CFLAR: variants seen among roughly 807,000 people sequenced by gnomAD.
CFLAR encodes CASP8 and FADD-like apoptosis regulator.
In CFLAR, 14 loss-of-function variants were observed where a neutral mutation model predicts 51.1. The ratio of observed to expected loss-of-function variants is 0.27; its 90% CI spans 0.18 to 0.43. The LOEUF is 0.43. Among genes scored for constraint, CFLAR ranks in the 20% least tolerant of loss-of-function variants. The probability of loss-of-function intolerance (pLI) is 1.00; values close to 1 mark genes in which losing one functional copy is unlikely to be tolerated. For synonymous variants in CFLAR, 210 were observed against 211.6 expected (o/e 0.99, Z 0.06); for missense variants, 390 against 566.5 (o/e 0.69, Z 3.16).
rs747344871 is a variant in CFLAR, at chr2:201,140,386, G to A, written c.553G>A (p.Val185Ile). The change falls in exon 5 of 10, where the codon GTT becomes ATT. Residue 185 changes from valine to isoleucine, a missense_variant. Physicochemically the swap from Val to Ile is conservative, Grantham distance 29 (BLOSUM62 3). Coordinates refer to ENST00000309955, the MANE Select transcript of CFLAR (RefSeq NM_003879.7). The stretch of plus-strand genomic sequence containing the variant: ...AGGAGCAGGGACAAGTTACAGGAAT[G>A]TTCTCCAAGCAGCAATCCAAAAGAG... ...VQGAGTSYRN[V>I]LQAAIQKSLK... 37 of 1,611,196 alleles carry A rather than the reference G, an allele frequency of 2.3e-5. No individual in the cohort carries two copies. The highest frequency in any genetic ancestry group is 3.1e-5 in the Non-Finnish European group (36 of 1,179,332).
In CFLAR at chr2:201,174,555, T is replaced by G. The variant is rs1444860248; in HGVS notation, c.*10582T>G. ...CTTTGTTGTTGTTGTTGTTCTTCTT[T>G]TTTCTTTTGTAGAGATGAGGCCTTG... On this transcript the variant is annotated 3_prime_UTR_variant, in exon 10 of 10. Coordinates refer to ENST00000309955, the MANE Select transcript of CFLAR (RefSeq NM_003879.7). 6.6e-6 allele frequency: 1 copy of G among 152,122 alleles called. No homozygotes were observed. Among genetic ancestry groups the G allele is most frequent in the Non-Finnish European group, 1.5e-5 (1 of 68,044 alleles). 9.4% of individuals were successfully genotyped at this position (152,122 alleles called of 1,614,324 possible).
chr2:201,156,396 T>C (rs1461982199), intron 8 of CFLAR, among the ~76,000 whole-genome samples: 1 of 152,244 alleles, frequency 6.6e-6, no homozygotes, highest in Admixed American at 6.5e-5. Context: ...TCTTATGTTT[T>C]ACCCATGTGC....
At chr2:201,120,473 CTTA>C (rs879604147) in intron 1 of CFLAR, among the ~76,000 whole-genome samples, 3 of 152,074 alleles carry the variant, frequency 2.0e-5, no homozygotes, top group East Asian at 1.9e-4. Flanking sequence ...TGATTTAGTA[CTTA>C]TTATGAAAGA....
Position 201,168,420 on chromosome 2 carries a change from C to T in CFLAR, c.*4447C>T, listed in dbSNP as rs1445452524. The T allele has an allele frequency of 6.6e-6, 1 of 152,088 alleles. No homozygotes were observed. The allele number at this position is 152,088 out of a possible 1,614,324, so 9.4% of individuals were successfully genotyped here. A position where few individuals can be genotyped will look rare whatever the true frequency, so the allele number is the denominator to read the frequency against. ...TACAGAAAAGGCCTTCAATAAAATT[C>T]AACGTTGCTTCATGTTAAAAACTCT... On this transcript the variant is annotated 3_prime_UTR_variant, in exon 10 of 10. Coordinates refer to ENST00000309955, the MANE Select transcript of CFLAR (RefSeq NM_003879.7).
rs986546857 is a variant in CFLAR, at chr2:201,149,938, C to G, written c.793+103C>G. 9.3e-6 allele frequency: 8 copies of G among 861,284 alleles called. No homozygotes were observed. The East Asian group carries it at 1.8e-4, about 19-fold the overall frequency. The allele number at this position is 861,284 out of a possible 1,614,324, so 53.4% of individuals were successfully genotyped here. A position where few individuals can be genotyped will look rare whatever the true frequency, so the allele number is the denominator to read the frequency against. Reference sequence around the variant, plus strand: ...ATCAGCACCAACTGCCGTGACAAACCAGTTCAAGAATCTGTGCTTCATCCT... The same window carrying G: ...ATCAGCACCAACTGCCGTGACAAACGAGTTCAAGAATCTGTGCTTCATCCT... On this transcript the variant is annotated intron_variant, in intron 8 of 9. Transcript: ENST00000309955.
At chr2:201,132,376 G>C (rs2049426113) in intron 2 of CFLAR, among the ~76,000 whole-genome samples, 1 of 151,366 alleles carries the variant, frequency 6.6e-6, no homozygotes, top group South Asian at 2.1e-4. Flanking sequence ...GTCCTTAGGA[G>C]CCCCAGAAAA....
chr2:201,153,983 C>T (rs1941734754), intron 8 of CFLAR, among the ~76,000 whole-genome samples: 1 of 148,452 alleles, frequency 6.7e-6, no homozygotes, highest in African/African-American at 2.5e-5. Flanking sequence ...TGGCTCACTG[C>T]AACCTCTCCC....
In CFLAR at chr2:201,173,824, A is replaced by G. The variant is rs1220321822; in HGVS notation, c.*9851A>G. On this transcript the variant is annotated 3_prime_UTR_variant, in exon 10 of 10. Transcript: ENST00000309955. Reference sequence around the variant, plus strand: ...GTAACTGGGATTACAGGCACCCACCATCACGCCTGGCTAATTTTTGTATTT... The same window carrying G: ...GTAACTGGGATTACAGGCACCCACCGTCACGCCTGGCTAATTTTTGTATTT... 1 of 150,290 alleles carries G rather than the reference A, an allele frequency of 6.7e-6. No homozygotes were observed. Among genetic ancestry groups the G allele is most frequent in the Non-Finnish European group, 1.5e-5 (1 of 67,734 alleles). 9.3% of individuals were successfully genotyped at this position (150,290 alleles called of 1,614,324 possible). A position where few individuals can be genotyped will look rare whatever the true frequency, so the allele number is the denominator to read the frequency against.
At position 201,160,853 on chromosome 2, in the gene CFLAR, G is replaced by A. The variant is rs1942903444; in HGVS notation, c.1215G>A (p.Leu405=). The change falls in exon 9 of 10, where the codon CTG becomes CTA. Residue 405 remains leucine (L), a synonymous_variant. Coordinates refer to ENST00000309955, the MANE Select transcript of CFLAR (RefSeq NM_003879.7). ...GAGAAGCTGACTTCTTCTGGAGCCT[G>A]TGTACTGCGGACATGTCCCTGCTGG... ...VHREADFFWS[L]CTADMSLLEQ... is the part of the protein sequence containing the mutation. The A allele has an allele frequency of 3.7e-6, 6 of 1,613,454 alleles. No homozygotes were observed. In the South Asian group the frequency reaches 5.5e-5, roughly 15 times the overall value.
intron 1 of CFLAR, among the ~76,000 whole-genome samples, chr2:201,126,479 AGTCT>A (rs1247724383): frequency 6.6e-6 from 1 of 152,230 alleles, no homozygotes; most frequent in African/African-American, 2.4e-5. Context: ...GCCAAGATGG[AGTCT>A]GTCTGGCTCT....
chr2:201,158,889 T>A (rs930446097), intron 8 of CFLAR, among the ~76,000 whole-genome samples: 2 of 92,222 alleles, frequency 2.2e-5, no homozygotes, highest in African/African-American at 7.8e-5. Context: ...TATTATTATT[T>A]GAATTTGAGA....
chr2:201,122,273 C>G (rs558794837), intron 1 of CFLAR, among the ~76,000 whole-genome samples: 1 of 152,318 alleles, frequency 6.6e-6, no homozygotes, highest in African/African-American at 2.4e-5. Flanking sequence ...GGGGGCTTAC[C>G]CATCCTTTTA....
chr2:201,160,296 A>G, intron 8 of CFLAR, 136 bp from the exon 9 acceptor site: 1 of 920,446 alleles, frequency 1.1e-6, no homozygotes, highest in Non-Finnish European at 1.6e-6. Context: ...CCCAGGACTC[A>G]GGCACATCAA....
intron 9 of CFLAR, 34 bp from the exon 10 acceptor site, chr2:201,163,801 T>C: frequency 1.9e-6 from 3 of 1,588,380 alleles, no homozygotes; most frequent in Non-Finnish European, 1.7e-6. Context: ...GATATTTGCA[T>C]GGCATTAAAT....
intron 7 of CFLAR, chr2:201,149,393 GA>G (rs1335371882): frequency 6.8e-6 from 2 of 295,190 alleles, no homozygotes; most frequent in Non-Finnish European, 1.3e-5. Flanking sequence ...AGAAGCAATA[GA>G]AGGGCTCCCT....
intron 1 of CFLAR, among the ~76,000 whole-genome samples, chr2:201,119,636 C>T (rs1259242161): frequency 6.6e-6 from 1 of 152,146 alleles, no homozygotes; most frequent in African/African-American, 2.4e-5. Flanking sequence ...ACCCTGGTGC[C>T]CTTTCTCTGT....
intron 4 of CFLAR, 159 bp downstream of exon 4, chr2:201,136,266 ATTC>A (rs780335564): frequency 1.9e-6 from 3 of 1,601,198 alleles, no homozygotes; most frequent in East Asian, 4.5e-5. Flanking sequence ...GTCCCTTTAT[ATTC>A]TTCATATCCC....
rs545246187 is a variant in CFLAR, at chr2:201,176,644, C to T, written c.*12671C>T. The T allele has an allele frequency of 2.0e-5, 3 of 152,212 alleles. No homozygotes were observed. Among genetic ancestry groups the T allele is most frequent in the Admixed American group, 6.5e-5 (1 of 15,290 alleles). The allele number at this position is 152,212 out of a possible 1,614,324, so 9.4% of individuals were successfully genotyped here. Reference sequence around the variant, plus strand: ...AAGTGAAAGGCCTTTCTGCGTTTATCTTACCTTTTTTGAGCAGCATTAAAA... The same window carrying T: ...AAGTGAAAGGCCTTTCTGCGTTTATTTTACCTTTTTTGAGCAGCATTAAAA... On this transcript the variant is annotated 3_prime_UTR_variant, in exon 10 of 10. Coordinates refer to ENST00000309955, the MANE Select transcript of CFLAR (RefSeq NM_003879.7).
At chr2:201,135,540 C>A (rs2049985496) in intron 3 of CFLAR, among the ~76,000 whole-genome samples, 1 of 152,154 alleles carries the variant, frequency 6.6e-6, no homozygotes, top group Non-Finnish European at 1.5e-5. Context: ...TTTAAGATCA[C>A]TGAAGGTCAC....
Sources: gnomAD v4.1 joint callset for allele counts (sites outside exome capture counted in the v4.1 genomes callset) on GRCh38, gnomAD v4.1.1 for gene constraint, MANE v1.5 for transcripts, NCBI Gene and HGNC (gene_info 2026-07-23, HGNC 2026-07-21) for gene names.